The following DLK1 variants were observed in gnomAD, a reference collection of about 807,000 sequenced individuals.
The protein encoded by DLK1 is protein delta homolog 1.
In DLK1, 9 loss-of-function variants were observed where a neutral mutation model predicts 35.2. That is an observed-to-expected ratio of 0.26 (90% CI 0.15 to 0.45). DLK1 has a LOEUF of 0.45. Among genes scored for constraint, DLK1 ranks in the 20% least tolerant of loss-of-function variants. The probability of loss-of-function intolerance (pLI) is 1.00; values close to 1 mark genes in which losing one functional copy is unlikely to be tolerated. For missense variants in DLK1, 522 were observed against 528.5 expected, an observed-to-expected ratio of 0.99 and a Z score of 0.12; for synonymous variants, 231 against 228.4, an observed-to-expected ratio of 1.01 and a Z score of -0.10.
chr14:100,729,392 T>C (rs376597370), intron 3 of DLK1, among the ~76,000 whole-genome samples: 1 of 152,220 alleles, frequency 6.6e-6, no homozygotes, highest in East Asian at 1.9e-4. Context: ...GACCCCAGGC[T>C]GCCTGTCCAG....
At chr14:100,730,273 A>G (rs1595206834) in intron 3 of DLK1, among the ~76,000 whole-genome samples, 1 of 152,326 alleles carries the variant, frequency 6.6e-6, no homozygotes, top group African/African-American at 2.4e-5. Flanking sequence ...GGATTCCAGC[A>G]AAGCCACCAT....
chr14:100,727,188 C>T, intron 1 of DLK1, 53 bp downstream of exon 1: 1 of 1,488,854 alleles, frequency 6.7e-7, no homozygotes, highest in East Asian at 2.6e-5. Context: ...CCTGCGACTC[C>T]CCGCCGGCCG....
chr14:100,733,998 C>T (rs1595209455), intron 4 of DLK1, 151 bp from the exon 5 acceptor site: 2 of 997,696 alleles, frequency 2.0e-6, no homozygotes, highest in African/African-American at 1.7e-5. Flanking sequence ...CCCTGGCTGG[C>T]GTTCCCTCCC....
At chr14:100,728,328 G>A (rs1249567104) in intron 1 of DLK1, 68 bp from the exon 2 acceptor site, 2 of 1,585,898 alleles carry the variant, frequency 1.3e-6, no homozygotes, top group Non-Finnish European at 8.6e-7. Context: ...GGCTGTGTGG[G>A]CGAAGACAGC....
At chr14:100,727,595 C>G (rs1267511067) in intron 1 of DLK1, among the ~76,000 whole-genome samples, 1 of 152,168 alleles carries the variant, frequency 6.6e-6, no homozygotes, top group Non-Finnish European at 1.5e-5. Flanking sequence ...TGGCGCGTTT[C>G]TGTAGGTGAG....
intron 4 of DLK1, among the ~76,000 whole-genome samples, 167 bp from the exon 5 acceptor site, chr14:100,733,982 G>T (rs567863355): frequency 7.5e-6 from 1 of 133,406 alleles, no homozygotes; most frequent in African/African-American, 2.9e-5. Flanking sequence ...GCACCTCTCT[G>T]TGCCTCCCTG....
Position 100,734,418 on chromosome 14 carries a change from A to G in DLK1, c.674A>G (p.Gln225Arg). 1 of 1,611,918 alleles carries G rather than the reference A, an allele frequency of 6.2e-7. No homozygotes were observed. Among genetic ancestry groups the G allele is most frequent in the Non-Finnish European group, 8.5e-7 (1 of 1,179,056 alleles). Residue 225 changes from glutamine (Q) to arginine (R), a missense_variant, in exon 5 of 5, where the codon CAG (glutamine) becomes CGG (arginine). By Grantham distance (43) the Gln-to-Arg change is conservative. Coordinates refer to ENST00000341267, the MANE Select transcript of DLK1 (RefSeq NM_003836.7). The surrounding 1 kb of genome is among the most constrained non-coding windows in gnomAD (Gnocchi z 7.4). ...SPCQNGGTCL[Q>R]HTQVSYECLC... is the part of the protein sequence containing the mutation. ...TGCCAGAACGGGGGCACCTGCCTGCAGCACACCCAGGTGAGCTACGAGTGT... is the reference window on the plus strand; with the variant it reads ...TGCCAGAACGGGGGCACCTGCCTGCGGCACACCCAGGTGAGCTACGAGTGT...
rs986948199 is a variant in DLK1, at chr14:100,736,851, C to G, written c.*1955C>G. 6.7e-6 allele frequency: 1 copy of G among 149,356 alleles called. No individual in the cohort carries two copies. The highest frequency in any genetic ancestry group is 2.0e-4 in the East Asian group (1 of 5,006). The allele number at this position is 149,356 out of a possible 1,614,324, so 9.3% of individuals were successfully genotyped here. ...CATCACTGGCAAGCCCCTTCCCCTTCTCCAGCTCCCGTCCCCACTACCCCT... is the reference window on the plus strand; with the variant it reads ...CATCACTGGCAAGCCCCTTCCCCTTGTCCAGCTCCCGTCCCCACTACCCCT... On this transcript the variant is annotated 3_prime_UTR_variant, in exon 5 of 5. Transcript: ENST00000341267.
rs1371155787 is a variant in DLK1, at chr14:100,737,822, C to T, written c.*2926C>T. On this transcript the variant is annotated 3_prime_UTR_variant, in exon 5 of 5. Transcript: ENST00000341267. ...ACCAGCACCCGATGAGGCCGTCCCT[C>T]CCAAATTCCACAGTGCCCACCACTC... 2.6e-5 allele frequency: 4 copies of T among 152,238 alleles called. No homozygotes were observed. The highest frequency in any genetic ancestry group is 5.9e-5 in the Non-Finnish European group (4 of 68,080). 9.4% of individuals were successfully genotyped at this position (152,238 alleles called of 1,614,324 possible).
chr14:100,727,049 G>T lies in DLK1; in HGVS notation c.-20G>T. On this transcript the variant is annotated 5_prime_UTR_variant, in exon 1 of 5. Transcript: ENST00000341267. ...CCGCGCCCGCACCGCTCCCGGGACCGCGACCCCGGCCGCCCAGAGATGACC... is the reference window on the plus strand; with the variant it reads ...CCGCGCCCGCACCGCTCCCGGGACCTCGACCCCGGCCGCCCAGAGATGACC... 6.4e-7 allele frequency: 1 copy of T among 1,557,824 alleles called. No homozygotes were observed.
At position 100,734,010 on chromosome 14, in the gene DLK1, C is replaced by G. The variant is rs761638027; in HGVS notation, c.405-139C>G. 8.8e-7 allele frequency: 1 copy of G among 1,136,386 alleles called. No homozygotes were observed. The highest frequency in any genetic ancestry group is 1.2e-6 in the Non-Finnish European group (1 of 857,284). 70.4% of individuals were successfully genotyped at this position (1,136,386 alleles called of 1,614,324 possible). On this transcript the variant is annotated intron_variant, in intron 4 of 4. Coordinates refer to ENST00000341267, the MANE Select transcript of DLK1 (RefSeq NM_003836.7). The surrounding 1 kb of genome is among the most constrained non-coding windows in gnomAD (Gnocchi z 7.4). ...CCTCCCTGGCTGGCGTTCCCTCCCT[C>G]GCTCCCTCATTCACCTGATGTGTTT...
At position 100,738,046 on chromosome 14, in the gene DLK1, G is replaced by A. The variant is rs966440170; in HGVS notation, c.*3150G>A. 1 of 152,134 alleles carries A rather than the reference G, an allele frequency of 6.6e-6. No individual in the cohort carries two copies. 9.4% of individuals were successfully genotyped at this position (152,134 alleles called of 1,614,324 possible). ...ACAAACGGAAAAGCTCAAAGACAGC[G>A]ATCCAAGACATGATCAGCAATTTGG... On this transcript the variant is annotated 3_prime_UTR_variant, in exon 5 of 5. Transcript: ENST00000341267.
Position 100,737,585 on chromosome 14 carries a change from C to T in DLK1, c.*2689C>T, listed in dbSNP as rs1242503731. Reference sequence around the variant, plus strand: ...GTCCACAACCCATCTGATCAGGAAGCATTTCCAGGCACCTGCGGAGCACTA... The same window carrying T: ...GTCCACAACCCATCTGATCAGGAAGTATTTCCAGGCACCTGCGGAGCACTA... On this transcript the variant is annotated 3_prime_UTR_variant, in exon 5 of 5. Coordinates refer to ENST00000341267, the MANE Select transcript of DLK1 (RefSeq NM_003836.7). 2.0e-5 allele frequency: 3 copies of T among 152,386 alleles called. No homozygotes were observed. The highest frequency in any genetic ancestry group is 4.4e-5 in the Non-Finnish European group (3 of 68,160). 9.4% of individuals were successfully genotyped at this position (152,386 alleles called of 1,614,324 possible).
intron 3 of DLK1, among the ~76,000 whole-genome samples, chr14:100,731,084 A>G (rs1054523477): frequency 3.3e-5 from 5 of 151,764 alleles, no homozygotes; most frequent in African/African-American, 1.2e-4. Context: ...TCCCTCAGAG[A>G]TTGGCCAGGG....
At chr14:100,730,453 TG>T (rs2036494580) in intron 3 of DLK1, among the ~76,000 whole-genome samples, 1 of 152,174 alleles carries the variant, frequency 6.6e-6, no homozygotes. Flanking sequence ...CCAGAGAGTC[TG>T]GGGTCCCAGA....
At position 100,734,895 on chromosome 14, in the gene DLK1, A is replaced by C; in HGVS notation, c.1151A>C (p.Ter384SerextTer23). The C allele has an allele frequency of 6.4e-7, 1 of 1,574,542 alleles. No homozygotes were observed. The highest frequency in any genetic ancestry group is 8.6e-7 in the Non-Finnish European group (1 of 1,163,924). Residue 384 changes from the stop codon to serine, a stop_lost, in exon 5 of 5, where the codon TAA becomes TCA. Transcript: ENST00000341267. The surrounding 1 kb of genome is among the most constrained non-coding windows in gnomAD (Gnocchi z 7.4). ...FSKEAGDEEI[*>S] is the part of the protein sequence containing the mutation. ...AAGGAGGCCGGCGACGAGGAGATCT[A>C]AGCAGCGTTCCCACAGCCCCCTCTA... is the stretch of plus-strand genomic sequence containing the variant.
At chr14:100,733,570 C>CTAA (rs147104355) in intron 4 of DLK1, among the ~76,000 whole-genome samples, 200 of 151,522 alleles carry the variant, frequency 1.3e-3, no homozygotes, top group East Asian at 4.6e-3. Flanking sequence ...ATCCACACCG[C>CTAA]TAATAATAAT....
rs529189976 is a variant in DLK1 at position 100,728,246 on chromosome 14, A to G, written c.68-150A>G. On this transcript the variant is annotated intron_variant, in intron 1 of 4. Transcript: ENST00000341267. ...TGCACTGAGCCCCATCCATGCTCGG[A>G]TAGGAAGTGCCTACTGTGTGCCAGG... 4.2e-5 allele frequency: 31 copies of G among 731,894 alleles called. 1 individual carries two copies. In the South Asian group the frequency reaches 5.0e-4, roughly 12 times the overall value. 45.3% of individuals were successfully genotyped at this position (731,894 alleles called of 1,614,324 possible).
chr14:100,732,970 A>T (rs755279156), intron 4 of DLK1, among the ~76,000 whole-genome samples: 35 of 152,274 alleles, frequency 2.3e-4, no homozygotes, highest in Non-Finnish European at 4.6e-4. Context: ...CTTTCCTCTG[A>T]AGAAACAGAA....
Sources: allele counts gnomAD v4.1 joint callset (sites outside exome capture counted in the v4.1 genomes callset), GRCh38; gene constraint gnomAD v4.1.1; non-coding constraint Gnocchi (gnomAD v3.1); transcripts MANE v1.5; gene names NCBI Gene and HGNC (gene_info 2026-07-23, HGNC 2026-07-21).